The following WASL variants were observed in gnomAD, a reference collection of about 807,000 sequenced individuals.
WASL encodes actin nucleation-promoting factor WASL.
A neutral mutation model predicts 55.5 loss-of-function variants in WASL; 20 were observed. The observed-to-expected ratio is 0.36, with a 90% CI of 0.25 to 0.52. The LOEUF (loss-of-function observed/expected upper bound fraction) is 0.52. WASL is among the 20% of genes least tolerant of loss of function. WASL has a pLI of 0.92. For synonymous variants in WASL, 249 were observed against 217.6 expected, an observed-to-expected ratio of 1.14 and a Z score of -1.27; for missense variants, 504 against 622.5, an observed-to-expected ratio of 0.81 and a Z score of 2.03.
chr7:123,737,742 T>C (rs1328187466), intron 1 of WASL, among the ~76,000 whole-genome samples: 1 of 152,076 alleles, frequency 6.6e-6, no homozygotes, highest in Non-Finnish European at 1.5e-5. Flanking sequence ...AGATTAAAGA[T>C]TTAAATGTTC....
intron 1 of WASL, among the ~76,000 whole-genome samples, chr7:123,734,591 TA>T (rs71161498): frequency 2.8e-3 from 259 of 92,350 alleles, no homozygotes; most frequent in East Asian, 0.016. Context: ...ATAGAAAATG[TA>T]AAAAAAAAAA....
intron 4 of WASL, among the ~76,000 whole-genome samples, chr7:123,705,998 T>C (rs1209764194): frequency 2.0e-5 from 3 of 152,108 alleles, no homozygotes; most frequent in African/African-American, 2.4e-5. Flanking sequence ...CTAAAAAAAA[T>C]AGTTCTCAAC....
In WASL at chr7:123,689,107, G is replaced by A. The variant is rs1451440442; in HGVS notation, c.1391C>T (p.Thr464Ile). ...CATTAATGCACCCACAATTCCTGAA[G>A]TGGGTGCAGGTGTTGGTGGTGTAGA... ...QESTPPTPAP[T>I]SGIVGALMEV... The change falls in exon 10 of 11, where the codon ACT (threonine) becomes ATT (isoleucine). Residue 464 changes from threonine to isoleucine, a missense_variant. Thr to Ile is a moderately conservative substitution (Grantham distance 89). Around this residue, in one of 5 missense-constraint regions of WASL, gnomAD observed 53 missense variants for 69.1 expected, o/e 0.77. Transcript: ENST00000223023. The A allele has an allele frequency of 6.2e-7, 1 of 1,614,002 alleles. No homozygotes were observed.
chr7:123,702,821 G>A (rs1803613638), intron 5 of WASL, among the ~76,000 whole-genome samples: 1 of 152,080 alleles, frequency 6.6e-6, no homozygotes, highest in Non-Finnish European at 1.5e-5. Flanking sequence ...ACGAAGTTTT[G>A]TATCCATGGG....
At chr7:123,719,764 A>G (rs577066563) in intron 1 of WASL, among the ~76,000 whole-genome samples, 2 of 152,316 alleles carry the variant, frequency 1.3e-5, no homozygotes, top group South Asian at 2.1e-4. Context: ...CCCTTGCAAC[A>G]TATTTTCATA....
intron 9 of WASL, among the ~76,000 whole-genome samples, chr7:123,690,084 C>A (rs1803376541): frequency 6.6e-6 from 1 of 152,016 alleles, no homozygotes; most frequent in East Asian, 1.9e-4. Context: ...AGAAGTACCA[C>A]AAATGAAAAA....
intron 1 of WASL, among the ~76,000 whole-genome samples, chr7:123,734,591 T>TAAAAAAAAA (rs71161498): frequency 2.2e-5 from 2 of 92,358 alleles, no homozygotes; most frequent in Admixed American, 1.3e-4. Context: ...ATAGAAAATG[T>TAAAAAAAAA]AAAAAAAAAA....
chr7:123,691,007 T>C lies in WASL; in HGVS notation c.1347+1340A>G, dbSNP rs576825568. 3.0e-4 allele frequency among the ~76,000 whole-genome samples: 46 copies of C among 152,286 alleles called. 1 individual carries two copies. The South Asian group carries it at 8.9e-3, about 29-fold the overall frequency. ...GAAAGAGAACAGAGATGACTGTTCATAGGTTTAAGTGTCATCCTGAATACA... is the reference window on the plus strand; with the variant it reads ...GAAAGAGAACAGAGATGACTGTTCACAGGTTTAAGTGTCATCCTGAATACA... On this transcript the variant is annotated intron_variant, in intron 9 of 10. Coordinates refer to ENST00000223023, the MANE Select transcript of WASL (RefSeq NM_003941.4).
chr7:123,685,819 TATAA>T (rs1350749949), intron 10 of WASL, among the ~76,000 whole-genome samples: 1 of 148,414 alleles, frequency 6.7e-6, no homozygotes, highest in African/African-American at 2.4e-5. Flanking sequence ...ATAAAATATG[TATAA>T]ATATATACAC....
At chr7:123,743,767 TA>T (rs1288789985) in intron 1 of WASL, among the ~76,000 whole-genome samples, 1 of 152,230 alleles carries the variant, frequency 6.6e-6, no homozygotes, top group African/African-American at 2.4e-5. Flanking sequence ...AATCCTTGAC[TA>T]AGCCCATTTT....
At chr7:123,726,406 A>G (rs1804039936) in intron 1 of WASL, among the ~76,000 whole-genome samples, 1 of 152,234 alleles carries the variant, frequency 6.6e-6, no homozygotes, top group Non-Finnish European at 1.5e-5. Context: ...ACCTCAAGTT[A>G]GAATCACAAA....
intron 1 of WASL, among the ~76,000 whole-genome samples, chr7:123,745,067 C>A (rs1804409510): frequency 6.6e-6 from 1 of 152,128 alleles, no homozygotes; most frequent in Non-Finnish European, 1.5e-5. Context: ...GGCATATTTG[C>A]AGCGAATGAG....
At position 123,709,129 on chromosome 7, in the gene WASL, T is replaced by C. The variant is rs199685282; in HGVS notation, c.212A>G (p.Asn71Ser). The change falls in exon 2 of 11, where the codon AAT (asparagine) becomes AGT (serine). Residue 71 changes from asparagine to serine, a missense_variant. Physicochemically the swap from Asn to Ser is conservative, Grantham distance 46. Transcript: ENST00000223023. ...TCTTAAAAAATAAGATCTCTGTGGA[T>C]TGTCCTTAACAAGACAAGCAACACC... ...CSGVACLVKD[N>S]PQRSYFLRIF... The C allele has an allele frequency of 7.0e-5, 112 of 1,611,172 alleles. No individual in the cohort carries two copies. In the East Asian group the frequency reaches 1.9e-3, roughly 27 times the overall value.
intron 10 of WASL, 36 bp downstream of exon 10, chr7:123,689,004 CTG>C (rs779143678): frequency 4.7e-5 from 68 of 1,437,494 alleles, no homozygotes; most frequent in Admixed American, 3.4e-4. Flanking sequence ...CACACTCTCT[CTG>C]TCTCTCTCTC....
At chr7:123,747,671 C>G (rs889529509) in intron 1 of WASL, among the ~76,000 whole-genome samples, 1 of 152,144 alleles carries the variant, frequency 6.6e-6, no homozygotes, top group African/African-American at 2.4e-5. Context: ...AGGGATCCAG[C>G]CAGTATTTCA....
intron 5 of WASL, among the ~76,000 whole-genome samples, chr7:123,700,000 C>A (rs1384308805): frequency 6.6e-6 from 1 of 151,580 alleles, no homozygotes; most frequent in Non-Finnish European, 1.5e-5. Flanking sequence ...CACGGTGAAA[C>A]CCCGTCTCTA....
chr7:123,718,379 T>C (rs1803880819), intron 1 of WASL, among the ~76,000 whole-genome samples: 1 of 152,204 alleles, frequency 6.6e-6, no homozygotes, highest in African/African-American at 2.4e-5. Flanking sequence ...GCGAATATAT[T>C]CATTTTGCCA....
chr7:123,704,977 T>C (rs1362006286), intron 4 of WASL, among the ~76,000 whole-genome samples: 2 of 152,168 alleles, frequency 1.3e-5, no homozygotes, highest in Non-Finnish European at 2.9e-5. Context: ...GGTTAAGGAC[T>C]ATAGATTTTA....
chr7:123,732,185 C>A (rs915585044), intron 1 of WASL, among the ~76,000 whole-genome samples: 7 of 152,058 alleles, frequency 4.6e-5, no homozygotes, highest in Non-Finnish European at 1.0e-4. Flanking sequence ...AAAAAATTAG[C>A]CGGGTGTGGT....
Sources: gnomAD v4.1 joint callset for allele counts (sites outside exome capture counted in the v4.1 genomes callset) on GRCh38, gnomAD v4.1.1 for gene constraint, gnomAD v4.1.1 regional missense constraint, MANE v1.5 for transcripts, NCBI Gene and HGNC (gene_info 2026-07-23, HGNC 2026-07-21) for gene names.